LRP1: variants seen among roughly 807,000 people sequenced by gnomAD.
LRP1 encodes LDL receptor related protein 1.
A neutral mutation model predicts 541.5 loss-of-function variants in LRP1; 51 were observed. The ratio of observed to expected loss-of-function variants is 0.09; its 90% CI spans 0.08 to 0.12. The LOEUF (loss-of-function observed/expected upper bound fraction) is 0.12, where lower values mean the gene tolerates loss of function less well. Among genes scored for constraint, LRP1 ranks in the 10% least tolerant of loss-of-function variants. LRP1 has a pLI of 1.00. For synonymous variants in LRP1, 2,219 were observed against 2,470.8 expected (o/e 0.90, Z 3.02); for missense variants, 3,878 against 6,376.2 (o/e 0.61, Z 13.34).
chr12:57,139,238 C>A (rs2136656634), intron 2 of LRP1, among the ~76,000 whole-genome samples: 1 of 152,212 alleles, frequency 6.6e-6, no homozygotes. Context: ...GGGCCAGGGT[C>A]AAAGCGCCCC....
In LRP1 at chr12:57,209,626, T is replaced by C; in HGVS notation, c.12263-66T>C. ...TGTCTGGGAACCACAGGTGCCAGTG[T>C]CGTGGACAGCATGGCCAGGGCCTGA... On this transcript the variant is annotated intron_variant, in intron 79 of 88. Coordinates refer to ENST00000243077, the MANE Select transcript of LRP1 (RefSeq NM_002332.3). The C allele has an allele frequency of 5.7e-6, 8 of 1,394,240 alleles. No individual in the cohort carries two copies. In the South Asian group the frequency reaches 8.2e-5, roughly 14 times the overall value. The allele number at this position is 1,394,240 out of a possible 1,614,324, so 86.4% of individuals were successfully genotyped here.
At position 57,128,999 on chromosome 12, in the gene LRP1, T is replaced by C; in HGVS notation, c.35T>C (p.Leu12Pro). ...CCGCCGTTGCTCCTGCTGCTGCCCC[T>C]GCTCTCAGCTCTGGTCGCGGCGGCT... Reference protein sequence around the residue: ...LTPPLLLLLPLLSALVAAAID... With the variant: ...LTPPLLLLLPPLSALVAAAID... The change falls in exon 1 of 89, where the codon CTG (leucine) becomes CCG (proline). Residue 12 changes from leucine to proline, a missense_variant. By Grantham distance (98) the Leu-to-Pro change is moderately conservative. Around this residue, in one of 13 missense-constraint regions of LRP1, gnomAD observed 293 missense variants for 403.7 expected, o/e 0.73. Transcript: ENST00000243077. 3 of 1,551,368 alleles carry C rather than the reference T, an allele frequency of 1.9e-6. No individual in the cohort carries two copies. The highest frequency in any genetic ancestry group is 2.6e-6 in the Non-Finnish European group (3 of 1,146,752).
intron 10 of LRP1, among the ~76,000 whole-genome samples, chr12:57,157,279 T>C (rs2035640472): frequency 6.6e-6 from 1 of 152,142 alleles, no homozygotes; most frequent in African/African-American, 2.4e-5. Context: ...AACAAATAAA[T>C]GTAACTTTAG....
Position 57,143,849 on chromosome 12 carries a change from G to A in LRP1, c.448+51G>A, listed in dbSNP as rs193233261. On this transcript the variant is annotated intron_variant, in intron 4 of 88. Coordinates refer to ENST00000243077, the MANE Select transcript of LRP1 (RefSeq NM_002332.3). ...CATGTGTGTGTGCCAGTAGCCAGTT[G>A]AGGTGGGCAGGGAGGGGCAGAGAGG... 15 of 1,568,952 alleles carry A rather than the reference G, an allele frequency of 9.6e-6. No individual in the cohort carries two copies. In the East Asian group the frequency reaches 1.1e-4, roughly 12 times the overall value.
Position 57,196,008 on chromosome 12 carries a change from G to A in LRP1, c.8701+5G>A. ...ACCCACACTGCACCAGCCAAGGTGG[G>A]CCCCAGACCTGGCTCCCCTCTGCCC... On this transcript the variant is annotated splice_donor_5th_base_variant and intron_variant, in intron 54 of 88. Transcript: ENST00000243077. 1 of 1,612,326 alleles carries A rather than the reference G, an allele frequency of 6.2e-7. No individual in the cohort carries two copies. The highest frequency in any genetic ancestry group is 8.5e-7 in the Non-Finnish European group (1 of 1,179,954).
chr12:57,202,002 G>C lies in LRP1; in HGVS notation c.10594+97G>C, dbSNP rs2036667563. ...AGGGCTGGGGGCCGCCTGCTTACCG[G>C]TCTCAGCGTGGCCCTGCTGCTGGGC... On this transcript the variant is annotated intron_variant, in intron 67 of 88. Transcript: ENST00000243077. 9.2e-6 allele frequency: 14 copies of C among 1,519,580 alleles called. No individual in the cohort carries two copies. The South Asian group carries it at 1.5e-4, about 16-fold the overall frequency. The allele number at this position is 1,519,580 out of a possible 1,614,324, so 94.1% of individuals were successfully genotyped here.
intron 6 of LRP1, among the ~76,000 whole-genome samples, chr12:57,152,779 G>A (rs929893374): frequency 1.3e-4 from 20 of 152,204 alleles, no homozygotes; most frequent in South Asian, 2.1e-4. Context: ...GAGAGGACCT[G>A]AAGAAGAAAC....
chr12:57,199,663 G>A (rs1026947120), intron 61 of LRP1, among the ~76,000 whole-genome samples: 16 of 152,170 alleles, frequency 1.1e-4, no homozygotes, highest in African/African-American at 3.6e-4. Flanking sequence ...AAGGCAGGCC[G>A]GCCCCTGGGA....
chr12:57,195,893 G>A lies in LRP1; in HGVS notation c.8591G>A (p.Arg2864His), dbSNP rs143285614. 2.8e-4 allele frequency: 451 copies of A among 1,613,586 alleles called. No homozygotes were observed. Among genetic ancestry groups the A allele is most frequent in the Non-Finnish European group, 3.6e-4 (422 of 1,180,020 alleles). The change falls in exon 54 of 89, where the codon CGC becomes CAC. Residue 2864 changes from arginine (R) to histidine (H), a missense_variant. By Grantham distance (29) the Arg-to-His change is conservative (BLOSUM62 0). Coordinates refer to ENST00000243077, the MANE Select transcript of LRP1 (RefSeq NM_002332.3). The stretch of plus-strand genomic sequence containing the variant: ...CCGACCTGCGGCCCCAGTGAGTTCC[G>A]CTGTGCCAATGGGCGCTGTCTGAGC... ...EYPTCGPSEF[R>H]CANGRCLSSR... is the part of the protein sequence containing the mutation.
In LRP1 at chr12:57,183,889, T is replaced by C; in HGVS notation, c.5909T>C (p.Ile1970Thr). 1 of 1,614,084 alleles carries C rather than the reference T, an allele frequency of 6.2e-7. No homozygotes were observed. Among genetic ancestry groups the C allele is most frequent in the Admixed American group, 1.7e-5 (1 of 60,016 alleles). Residue 1970 changes from isoleucine (I) to threonine (T), a missense_variant, in exon 36 of 89, where the codon ATT becomes ACT. This residue lies in a region of LRP1 where 394 missense variants were observed against 635.9 expected (regional missense o/e 0.62). Transcript: ENST00000243077. The surrounding 1 kb of genome is among the most constrained non-coding windows in gnomAD (Gnocchi z 6.1). ...VTNGIGRVEG[I>T]AVDWIAGNIY... Reference sequence around the variant, plus strand: ...AATGGCATTGGCCGTGTGGAGGGCATTGCAGTGGACTGGATCGCAGGTGAG... The same window carrying C: ...AATGGCATTGGCCGTGTGGAGGGCACTGCAGTGGACTGGATCGCAGGTGAG...
At chr12:57,169,024 G>T (rs1049998445) in intron 19 of LRP1, 116 bp from the exon 20 acceptor site, 24 of 804,114 alleles carry the variant, frequency 3.0e-5, no homozygotes, top group African/African-American at 2.6e-4. Flanking sequence ...TTTTCCCAGT[G>T]GGGGGGTTAG....
At chr12:57,199,469 C>A in intron 61 of LRP1, 69 bp downstream of exon 61, 1 of 1,510,324 alleles carries the variant, frequency 6.6e-7, no homozygotes, top group Non-Finnish European at 9.0e-7. Flanking sequence ...AGTTCCTGCT[C>A]ATCCCTTCTC....
At chr12:57,163,042 G>C in intron 15 of LRP1, 59 bp downstream of exon 15, 1 of 1,538,376 alleles carries the variant, frequency 6.5e-7, no homozygotes, top group Non-Finnish European at 8.7e-7. Context: ...GGATGCCGAA[G>C]AGTGGGGAGG....
chr12:57,210,774 G>T lies in LRP1; in HGVS notation c.12811G>T (p.Val4271Leu). The change falls in exon 83 of 89, where the codon GTG (valine) becomes TTG (leucine). Residue 4271 changes from valine to leucine, a missense_variant. Transcript: ENST00000243077. Reference sequence around the variant, plus strand: ...CACGGGCCCCAAATGCACCCAGCAGGTGTGTGCGGGCTACTGTGCCAACAA... The same window carrying T: ...CACGGGCCCCAAATGCACCCAGCAGTTGTGTGCGGGCTACTGTGCCAACAA... ...GFTGPKCTQQ[V>L]CAGYCANNST... The T allele has an allele frequency of 6.2e-7, 1 of 1,613,122 alleles. No individual in the cohort carries two copies. Among genetic ancestry groups the T allele is most frequent in the Non-Finnish European group, 8.5e-7 (1 of 1,179,484 alleles).
intron 68 of LRP1, chr12:57,202,904 C>T: frequency 1.8e-6 from 1 of 570,628 alleles, no homozygotes; most frequent in Admixed American, 3.1e-5. Flanking sequence ...GGTCTTGCCC[C>T]CGCTCCCCTC....
rs778386643 is a variant in LRP1, at chr12:57,173,310, C to T, written c.3306C>T (p.His1102=). The change falls in exon 21 of 89, where the codon CAC becomes CAT. Residue 1102 remains histidine (H), a synonymous_variant. Transcript: ENST00000243077. The surrounding 1 kb of genome is among the most constrained non-coding windows in gnomAD (Gnocchi z 4.7). ...AGAAGAGCTGTGAGGGAGTGACCCA[C>T]GTCTGCGATCCCAGTGTCAAGTTTG... The part of the protein sequence containing the change: ...SDEKSCEGVT[H]VCDPSVKFGC... 11 of 1,613,888 alleles carry T rather than the reference C, an allele frequency of 6.8e-6. No individual in the cohort carries two copies. The highest frequency in any genetic ancestry group is 2.2e-5 in the South Asian group (2 of 91,080).
chr12:57,178,663 A>G lies in LRP1; in HGVS notation c.4606+60A>G. On this transcript the variant is annotated intron_variant, in intron 27 of 88. Coordinates refer to ENST00000243077, the MANE Select transcript of LRP1 (RefSeq NM_002332.3). This position sits in a 1 kb window ranked among gnomAD's most constrained non-coding sequence, Gnocchi z 5.8. Reference sequence around the variant, plus strand: ...AGCCAGCAGCCTCTTTAGAAGCTGTAGAAGCTCTTAGGAGAGGAGAGGGCA... The same window carrying G: ...AGCCAGCAGCCTCTTTAGAAGCTGTGGAAGCTCTTAGGAGAGGAGAGGGCA... 1 of 1,607,612 alleles carries G rather than the reference A, an allele frequency of 6.2e-7. No individual in the cohort carries two copies. The highest frequency in any genetic ancestry group is 8.5e-7 in the Non-Finnish European group (1 of 1,176,254).
At chr12:57,142,835 G>A (rs1428345195) in intron 3 of LRP1, among the ~76,000 whole-genome samples, 1 of 152,116 alleles carries the variant, frequency 6.6e-6, no homozygotes, top group Admixed American at 6.5e-5. Flanking sequence ...AGAAAGAATC[G>A]CTGGGGCCTG....
chr12:57,162,526 C>A lies in LRP1; in HGVS notation c.2404+8C>A. 6.2e-7 allele frequency: 1 copy of A among 1,613,286 alleles called. No individual in the cohort carries two copies. On this transcript the variant is annotated splice_region_variant and intron_variant, in intron 14 of 88. Coordinates refer to ENST00000243077, the MANE Select transcript of LRP1 (RefSeq NM_002332.3). The surrounding 1 kb of genome is among the most constrained non-coding windows in gnomAD (Gnocchi z 5.2). ...ATGCCCAGCAGCAGCAAGGTACCTCCTTGGGGCTGGGGGCAGCGTGGGACC... is the reference window on the plus strand; with the variant it reads ...ATGCCCAGCAGCAGCAAGGTACCTCATTGGGGCTGGGGGCAGCGTGGGACC...
Sources: allele counts gnomAD v4.1 joint callset (sites outside exome capture counted in the v4.1 genomes callset), GRCh38; gene constraint gnomAD v4.1.1; regional missense constraint gnomAD v4.1.1; non-coding constraint Gnocchi (gnomAD v3.1); transcripts MANE v1.5; gene names NCBI Gene and HGNC (gene_info 2026-07-23, HGNC 2026-07-21).